Variants in RNF38 observed in about 807,000 individuals in gnomAD.
RNF38 encodes the protein E3 ubiquitin-protein ligase RNF38.
RNF38 carries 15 observed loss-of-function variants against 67.2 expected under a neutral mutation model. The observed-to-expected ratio is 0.22, with a 90% CI of 0.15 to 0.34. The LOEUF is 0.34. Ranked by LOEUF, RNF38 falls within the 10% of genes least tolerant of loss-of-function variation. RNF38 has a pLI of 1.00. For missense variants in RNF38, 524 were observed against 639.9 expected (o/e 0.82, Z 1.95); for synonymous variants, 220 against 218.8 (o/e 1.01, Z -0.05).
chr9:36,424,223 T>G (rs1338244334), intron 2 of RNF38, among the ~76,000 whole-genome samples: 1 of 152,172 alleles, frequency 6.6e-6, no homozygotes, highest in African/African-American at 2.4e-5. Context: ...TCAATGCAAT[T>G]AATGCCAAAA....
intron 1 of RNF38, among the ~76,000 whole-genome samples, chr9:36,448,499 G>A (rs1351347610): frequency 6.6e-6 from 1 of 152,124 alleles, no homozygotes; most frequent in African/African-American, 2.4e-5. Context: ...AAGTAGTGGT[G>A]GTATAGTACA....
At chr9:36,353,362 GTATA>G in intron 6 of RNF38, 31 bp from the exon 7 acceptor site, 7 of 1,315,584 alleles carry the variant, frequency 5.3e-6, no homozygotes, top group Non-Finnish European at 7.2e-6. Flanking sequence ...ACACATATAT[GTATA>G]TATATATATA....
intron 4 of RNF38, among the ~76,000 whole-genome samples, chr9:36,359,014 A>C (rs1244156475): frequency 6.6e-6 from 1 of 151,992 alleles, no homozygotes; most frequent in Admixed American, 6.6e-5. Context: ...TTTTTTTTTC[A>C]ATCCTGTCTT....
Position 36,386,221 on chromosome 9 carries a change from T to C in RNF38, c.162+4246A>G, listed in dbSNP as rs16933266. Among the ~76,000 whole-genome samples the C allele has an allele frequency of 7.8e-3, 1,181 of 152,292 alleles. 23 individuals are homozygous for C. In the East Asian group the frequency reaches 0.081, roughly 10 times the overall value. On this transcript the variant is annotated intron_variant, in intron 2 of 11. Coordinates refer to ENST00000259605, the MANE Select transcript of RNF38 (RefSeq NM_022781.5). ...CTCTGACAGAGCTATTTCTTTCTAA[T>C]AGGATTTGCTATCTCTTATGGCATA...
intron 1 of RNF38, among the ~76,000 whole-genome samples, chr9:36,460,651 G>A (rs888824834): frequency 6.6e-6 from 1 of 152,106 alleles, no homozygotes; most frequent in African/African-American, 2.4e-5. Context: ...ACTTTGGGAG[G>A]CCAAGGCAGG....
At chr9:36,472,380 C>G (rs1383041164) in intron 1 of RNF38, among the ~76,000 whole-genome samples, 1 of 152,200 alleles carries the variant, frequency 6.6e-6, no homozygotes, top group Non-Finnish European at 1.5e-5. Context: ...CCAAGCTTCT[C>G]TAACCCATAG....
intron 6 of RNF38, 69 bp from the exon 7 acceptor site, chr9:36,353,400 G>A (rs1263933797): frequency 9.1e-7 from 1 of 1,095,692 alleles, no homozygotes; most frequent in East Asian, 2.9e-5. Flanking sequence ...GATAGATTAT[G>A]CTTTATAATA....
At chr9:36,342,513 T>G in intron 10 of RNF38, 89 bp from the exon 11 acceptor site, 1 of 818,770 alleles carries the variant, frequency 1.2e-6, no homozygotes, top group Non-Finnish European at 2.0e-6. Flanking sequence ...ATTTATTCTG[T>G]TATCAAAACG....
In RNF38 at chr9:36,339,445, G is replaced by A. The variant is rs150397812; in HGVS notation, c.*307C>T. 7.4e-5 allele frequency: 25 copies of A among 339,198 alleles called. No homozygotes were observed. Among genetic ancestry groups the A allele is most frequent in the Non-Finnish European group, 1.0e-4 (19 of 181,198 alleles). The allele number at this position is 339,198 out of a possible 1,614,324, so 21.0% of individuals were successfully genotyped here. On this transcript the variant is annotated 3_prime_UTR_variant, in exon 12 of 12. Coordinates refer to ENST00000259605, the MANE Select transcript of RNF38 (RefSeq NM_022781.5). ...ATAAAAGCACATGCTAAAAGATCACGTCCACTGTAATCTTGCAGCAACACT... is the reference window on the plus strand; with the variant it reads ...ATAAAAGCACATGCTAAAAGATCACATCCACTGTAATCTTGCAGCAACACT...
At chr9:36,460,279 C>T (rs1338660751) in intron 1 of RNF38, among the ~76,000 whole-genome samples, 1 of 152,062 alleles carries the variant, frequency 6.6e-6, no homozygotes, top group Admixed American at 6.6e-5. Context: ...TTACTTCTCT[C>T]GCATAAGTGA....
intron 9 of RNF38, among the ~76,000 whole-genome samples, chr9:36,347,113 T>A (rs1208568265): frequency 2.1e-5 from 1 of 47,600 alleles, no homozygotes; most frequent in Non-Finnish European, 3.4e-5. Flanking sequence ...AAAGGGAGAC[T>A]CCATCTCGGG....
intron 2 of RNF38, among the ~76,000 whole-genome samples, chr9:36,412,557 C>T (rs1037320262): frequency 1.3e-5 from 2 of 152,218 alleles, no homozygotes; most frequent in African/African-American, 4.8e-5. Flanking sequence ...GCGGGTGGAT[C>T]CCTTATGAAT....
At chr9:36,353,066 G>A (rs1034789495) in intron 7 of RNF38, 104 bp downstream of exon 7, 4 of 1,063,190 alleles carry the variant, frequency 3.8e-6, no homozygotes, top group African/African-American at 3.2e-5. Context: ...GAATGCTGTC[G>A]AGAATACATA....
At chr9:36,366,684 A>G (rs778776517) in intron 4 of RNF38, among the ~76,000 whole-genome samples, 6 of 152,176 alleles carry the variant, frequency 3.9e-5, no homozygotes, top group Non-Finnish European at 5.9e-5. Flanking sequence ...TAGATGTGGT[A>G]ATAGTCAGCA....
intron 1 of RNF38, among the ~76,000 whole-genome samples, chr9:36,483,215 G>A (rs1045871612): frequency 1.7e-4 from 26 of 152,090 alleles, no homozygotes; most frequent in African/African-American, 5.8e-4. Flanking sequence ...GTGAAACCCC[G>A]TCTCTACTAA....
intron 2 of RNF38, among the ~76,000 whole-genome samples, chr9:36,420,202 T>G (rs558754206): frequency 7.0e-4 from 107 of 152,178 alleles, no homozygotes; most frequent in African/African-American, 2.5e-3. Context: ...AATAAAGCAG[T>G]CCCTACTTCA....
intron 1 of RNF38, among the ~76,000 whole-genome samples, chr9:36,485,298 C>T (rs1321144330): frequency 7.1e-6 from 1 of 141,072 alleles, no homozygotes; most frequent in East Asian, 1.9e-4. Flanking sequence ...ACAAGGATCT[C>T]TTAGGGTATA....
intron 11 of RNF38, among the ~76,000 whole-genome samples, chr9:36,341,209 A>G (rs1194917103): frequency 6.6e-6 from 1 of 152,138 alleles, no homozygotes; most frequent in Non-Finnish European, 1.5e-5. Flanking sequence ...TCCAACTATC[A>G]GCCACACGGA....
chr9:36,401,198 G>GGGGGC (rs760862263), upstream of RNF38: 137,513 of 970,122 alleles, frequency 0.14, 10,102 homozygotes, highest in East Asian at 0.37. Context: ...CGAGGGGGAA[G>GGGGGC]GGGGCGGGGC....
Sources: gnomAD v4.1 joint callset for allele counts (sites outside exome capture counted in the v4.1 genomes callset) on GRCh38, gnomAD v4.1.1 for gene constraint, MANE v1.5 for transcripts, NCBI Gene and HGNC (gene_info 2026-07-23, HGNC 2026-07-21) for gene names.